Variants in BDKRB1 observed in about 807,000 individuals in gnomAD.
BDKRB1 encodes bradykinin receptor B1.
For synonymous variants in BDKRB1, 192 were observed against 189.1 expected (o/e 1.02, Z -0.13); for missense variants, 414 against 441.4 (o/e 0.94, Z 0.56).
intron 1 of BDKRB1, among the ~76,000 whole-genome samples, chr14:96,260,832 A>G (rs937761188): frequency 6.6e-6 from 1 of 152,126 alleles, no homozygotes; most frequent in African/African-American, 2.4e-5. Flanking sequence ...TGCCATTCCT[A>G]TAGTTACAAC....
chr14:96,258,912 C>CA (rs749637177), intron 1 of BDKRB1, among the ~76,000 whole-genome samples: 4,444 of 137,564 alleles, frequency 0.032, 124 homozygotes, highest in African/African-American at 0.082. Flanking sequence ...TCAGATACTG[C>CA]AAAAAAAAAA....
chr14:96,258,325 T>C (rs931438624), intron 1 of BDKRB1, among the ~76,000 whole-genome samples: 4 of 152,232 alleles, frequency 2.6e-5, no homozygotes, highest in African/African-American at 9.6e-5. Context: ...TTTTTCCATA[T>C]AATTGCCTGA....
chr14:96,262,606 C>CCTT (rs756857168), intron 1 of BDKRB1, 46 bp from the exon 2 acceptor site: 21 of 311,234 alleles, frequency 6.7e-5, no homozygotes, highest in South Asian at 1.5e-4. Context: ...TCTCTCTCTC[C>CCTT]TTTTTTTTTT....
chr14:96,257,243 C>T (rs569090574), intron 1 of BDKRB1, among the ~76,000 whole-genome samples: 2 of 152,210 alleles, frequency 1.3e-5, no homozygotes, highest in South Asian at 2.1e-4. Context: ...TAATCAGGTT[C>T]GAGCTAAAGT....
chr14:96,263,642 C>T (rs1318493655), intron 2 of BDKRB1, 31 bp from the exon 3 acceptor site: 1 of 1,561,170 alleles, frequency 6.4e-7, no homozygotes. Flanking sequence ...TCTGCCACTT[C>T]CTGTTTTATT....
rs533591743 is a variant in BDKRB1, at chr14:96,263,128, C to T, written c.-11+358C>T. On this transcript the variant is annotated intron_variant, in intron 2 of 2. Coordinates refer to ENST00000216629, the MANE Select transcript of BDKRB1 (RefSeq NM_000710.4). The stretch of plus-strand genomic sequence containing the variant: ...TGCTCTGTCCTGCATATCTCCAGTG[C>T]CTGGCAAGGGGCTGGCAAGAGGTAG... Among the ~76,000 whole-genome samples, 3 of 152,222 alleles carry T rather than the reference C, an allele frequency of 2.0e-5. No individual in the cohort carries two copies. The South Asian group carries it at 6.2e-4, about 32-fold the overall frequency.
rs1449585778 is a variant in BDKRB1 at position 96,263,841 on chromosome 14, A to G, written c.159A>G (p.Leu53=). The part of the protein sequence containing the change: ...FIISICFFGL[L]GNLFVLLVFL... ...TCTCCATCTGTTTCTTCGGCCTCCTAGGGAACCTTTTTGTCCTGTTGGTCT... is the reference window on the plus strand; with the variant it reads ...TCTCCATCTGTTTCTTCGGCCTCCTGGGGAACCTTTTTGTCCTGTTGGTCT... The change falls in exon 3 of 3, where the codon CTA becomes CTG. Residue 53 remains leucine, a synonymous_variant. Transcript: ENST00000216629. The G allele has an allele frequency of 8.7e-6, 14 of 1,613,808 alleles. No individual in the cohort carries two copies. Among genetic ancestry groups the G allele is most frequent in the Non-Finnish European group, 1.0e-5 (12 of 1,179,916 alleles).
In BDKRB1 at chr14:96,263,882, G is replaced by A. The variant is rs200706096; in HGVS notation, c.200G>A (p.Arg67Gln). The A allele has an allele frequency of 1.5e-5, 25 of 1,614,210 alleles. No individual in the cohort carries two copies. The highest frequency in any genetic ancestry group is 4.4e-5 in the South Asian group (4 of 91,082). ...CTGTTGGTCTTCCTCCTGCCCCGGC[G>A]GCAACTGAACGTGGCAGAAATCTAC... is the stretch of plus-strand genomic sequence containing the variant. ...FVLLVFLLPR[R>Q]QLNVAEIYLA... The change falls in exon 3 of 3, where the codon CGG becomes CAG. Residue 67 changes from arginine (R) to glutamine (Q), a missense_variant. Arg to Gln is a conservative substitution (Grantham distance 43, BLOSUM62 1). Coordinates refer to ENST00000216629, the MANE Select transcript of BDKRB1 (RefSeq NM_000710.4).
chr14:96,257,945 GAGGA>G (rs34706281), intron 1 of BDKRB1, among the ~76,000 whole-genome samples: 6,269 of 149,610 alleles, frequency 0.042, 171 homozygotes, highest in East Asian at 0.12. Flanking sequence ...GGGAGGGATG[GAGGA>G]AGGAAGGAAG....
In BDKRB1 at chr14:96,264,674, C is replaced by T. The variant is rs1885850925; in HGVS notation, c.992C>T (p.Thr331Ile). Residue 331 changes from threonine (T) to isoleucine (I), a missense_variant, in exon 3 of 3, where the codon ACC (threonine) becomes ATC (isoleucine). Transcript: ENST00000216629. ...TKVWELYKQCTPKSLAPISSS... is the reference protein window; with the variant it reads ...TKVWELYKQCIPKSLAPISSS... ...GTCTGGGAACTTTATAAACAATGCA[C>T]CCCTAAAAGTCTTGCTCCAATATCT... 3.1e-6 allele frequency: 5 copies of T among 1,614,032 alleles called. No individual in the cohort carries two copies. In the African/African-American group the frequency reaches 5.3e-5, roughly 17 times the overall value.
In BDKRB1 at chr14:96,263,745, A is replaced by G. The variant is rs369133566; in HGVS notation, c.63A>G (p.Gln21=). The part of the protein sequence containing the change: ...QSSNQSQLFP[Q]NATACDNAPE... ...CCAACCAGAGCCAGCTCTTCCCTCAAAATGCTACGGCCTGTGACAATGCTC... is the reference window on the plus strand; with the variant it reads ...CCAACCAGAGCCAGCTCTTCCCTCAGAATGCTACGGCCTGTGACAATGCTC... Residue 21 remains glutamine (Q), a synonymous_variant, in exon 3 of 3, where the codon CAA becomes CAG. Transcript: ENST00000216629. 1.9e-6 allele frequency: 3 copies of G among 1,614,142 alleles called. No individual in the cohort carries two copies. Among genetic ancestry groups the G allele is most frequent in the Non-Finnish European group, 2.5e-6 (3 of 1,180,020 alleles).
Position 96,264,346 on chromosome 14 carries a change from A to G in BDKRB1, c.664A>G (p.Asn222Asp). 2 of 1,614,188 alleles carry G rather than the reference A, an allele frequency of 1.2e-6. No individual in the cohort carries two copies. The change falls in exon 3 of 3, where the codon AAC becomes GAC. Residue 222 changes from asparagine (N) to aspartate (D), a missense_variant. Coordinates refer to ENST00000216629, the MANE Select transcript of BDKRB1 (RefSeq NM_000710.4). The stretch of plus-strand genomic sequence containing the variant: ...ACCACTGGCTGCGATCGTCTTCTTC[A>G]ACTACCACATCCTGGCCTCCCTGCG... ...LLPLAAIVFF[N>D]YHILASLRTR...
chr14:96,257,771 T>A (rs948572196), intron 1 of BDKRB1, among the ~76,000 whole-genome samples: 1 of 152,160 alleles, frequency 6.6e-6, no homozygotes, highest in African/African-American at 2.4e-5. Flanking sequence ...TCAGGCCATG[T>A]GTGTGCACAC....
intron 1 of BDKRB1, among the ~76,000 whole-genome samples, chr14:96,260,313 C>T (rs1358356888): frequency 2.6e-5 from 4 of 152,164 alleles, no homozygotes; most frequent in Admixed American, 6.5e-5. Context: ...TGAGCCACCA[C>T]GCCCAGCCTG....
chr14:96,263,414 C>A (rs1885803437), intron 2 of BDKRB1, among the ~76,000 whole-genome samples: 1 of 152,162 alleles, frequency 6.6e-6, no homozygotes, highest in Non-Finnish European at 1.5e-5. Flanking sequence ...CAGGCACCAT[C>A]CCTTAAACCA....
chr14:96,263,355 CA>C (rs1347438823), intron 2 of BDKRB1, among the ~76,000 whole-genome samples: 9 of 152,174 alleles, frequency 5.9e-5, no homozygotes, highest in Admixed American at 5.2e-4. Context: ...AAGTAAAAGT[CA>C]ATGGTTCTAA....
chr14:96,264,476 CT>C lies in BDKRB1; in HGVS notation c.796del (p.Tyr266ThrfsTer42), dbSNP rs750046887. ...LVVAFLVCWA[P>X]YHFFAFLEFL... is the part of the protein sequence containing the mutation. ...GTTGCCTTCCTGGTCTGCTGGGCCC[CT>C]TACCACTTCTTTGCCTTCCTGGAAT... On this transcript the variant is annotated frameshift_variant, in exon 3 of 3. Coordinates refer to ENST00000216629, the MANE Select transcript of BDKRB1 (RefSeq NM_000710.4). LOFTEE classifies it low-confidence loss of function (END_TRUNC). The C allele has an allele frequency of 5.0e-6, 8 of 1,614,184 alleles. No homozygotes were observed. Among genetic ancestry groups the C allele is most frequent in the Non-Finnish European group, 6.8e-6 (8 of 1,180,042 alleles).
chr14:96,259,643 A>G (rs1262765304), intron 1 of BDKRB1: 1 of 152,458 alleles, frequency 6.6e-6, no homozygotes, highest in Non-Finnish European at 1.5e-5. Flanking sequence ...TGGAAAATTT[A>G]AACAACTTAA....
Position 96,263,859 on chromosome 14 carries a change from G to C in BDKRB1, c.177G>C (p.Leu59=). ...FFGLLGNLFV[L]LVFLLPRRQL... ...GCCTCCTAGGGAACCTTTTTGTCCT[G>C]TTGGTCTTCCTCCTGCCCCGGCGGC... The change falls in exon 3 of 3, where the codon CTG becomes CTC. Residue 59 remains leucine (L), a synonymous_variant. Transcript: ENST00000216629. The C allele has an allele frequency of 1.2e-6, 2 of 1,614,138 alleles. No homozygotes were observed. The highest frequency in any genetic ancestry group is 1.7e-6 in the Non-Finnish European group (2 of 1,180,016).
Sources: gnomAD v4.1 joint callset for allele counts (sites outside exome capture counted in the v4.1 genomes callset) on GRCh38, gnomAD v4.1.1 for gene constraint, MANE v1.5 for transcripts, NCBI Gene and HGNC (gene_info 2026-07-23, HGNC 2026-07-21) for gene names.